Variants in ARFIP1 observed in about 807,000 individuals in gnomAD.
ARFIP1 encodes arfaptin-1.
In ARFIP1, 24 loss-of-function variants were observed where a neutral mutation model predicts 42.5. The observed-to-expected ratio is 0.57, with a 90% confidence interval of 0.41 to 0.80. ARFIP1 has a LOEUF of 0.80. Ranked by LOEUF, ARFIP1 falls within the 30% of genes least tolerant of loss-of-function variation. The pLI, the probability that ARFIP1 is intolerant of heterozygous loss-of-function variation, is 0.00. For synonymous variants in ARFIP1, 141 were observed against 153.7 expected (o/e 0.92, Z 0.61); for missense variants, 354 against 434.0 (o/e 0.82, Z 1.64).
chr4:152,879,836 C>T (rs893739246), intron 5 of ARFIP1, among the ~76,000 whole-genome samples: 3 of 151,574 alleles, frequency 2.0e-5, no homozygotes, highest in Admixed American at 6.6e-5. Flanking sequence ...GCAACAGGAG[C>T]AAAACTCCAT....
chr4:152,893,240 C>G (rs1737011996), intron 8 of ARFIP1, among the ~76,000 whole-genome samples: 1 of 152,166 alleles, frequency 6.6e-6, no homozygotes. Flanking sequence ...GAATGAAAGT[C>G]AACTCGGAGA....
chr4:152,864,344 A>G (rs900618577), intron 3 of ARFIP1, among the ~76,000 whole-genome samples: 7 of 152,322 alleles, frequency 4.6e-5, no homozygotes, highest in African/African-American at 1.7e-4. Context: ...CAAATCAGCA[A>G]TTTGCTAGGA....
chr4:152,829,868 T>C, intron 2 of ARFIP1, 142 bp downstream of exon 2: 1 of 591,470 alleles, frequency 1.7e-6, no homozygotes, highest in Non-Finnish European at 2.7e-6. Context: ...TATATAGGGA[T>C]GACAAGGAAG....
intron 2 of ARFIP1, among the ~76,000 whole-genome samples, chr4:152,833,391 G>T (rs1003969162): frequency 6.6e-6 from 1 of 152,128 alleles, no homozygotes; most frequent in Admixed American, 6.5e-5. Flanking sequence ...AAAGGTAAGT[G>T]TTGACCCTTA....
chr4:152,861,232 A>G (rs1733867788), intron 2 of ARFIP1, among the ~76,000 whole-genome samples: 1 of 152,206 alleles, frequency 6.6e-6, no homozygotes, highest in Non-Finnish European at 1.5e-5. Context: ...GAGTCCTCCA[A>G]AGATGATGCA....
chr4:152,908,524 C>T (rs1046971281), intron 8 of ARFIP1, among the ~76,000 whole-genome samples: 1 of 151,862 alleles, frequency 6.6e-6, no homozygotes, highest in African/African-American at 2.4e-5. Flanking sequence ...GCAGGGGAAT[C>T]GCTTGAACCC....
At chr4:152,827,384 T>G (rs1360907271) in intron 1 of ARFIP1, among the ~76,000 whole-genome samples, 1 of 152,162 alleles carries the variant, frequency 6.6e-6, no homozygotes, top group Admixed American at 6.5e-5. Context: ...AGTGGTACAT[T>G]CGTTAAAATT....
intron 2 of ARFIP1, among the ~76,000 whole-genome samples, chr4:152,852,826 A>G (rs1392771763): frequency 1.3e-5 from 2 of 152,236 alleles, no homozygotes; most frequent in African/African-American, 4.8e-5. Flanking sequence ...TTTAGCTGCC[A>G]AACCACATCA....
At chr4:152,845,571 A>G (rs1732472964) in intron 2 of ARFIP1, among the ~76,000 whole-genome samples, 1 of 152,254 alleles carries the variant, frequency 6.6e-6, no homozygotes. Context: ...AAAAGAAGAC[A>G]TACAAGTAGC....
intron 1 of ARFIP1, among the ~76,000 whole-genome samples, chr4:152,788,402 G>T (rs964559834): frequency 6.6e-6 from 1 of 152,114 alleles, no homozygotes; most frequent in African/African-American, 2.4e-5. Flanking sequence ...AAGATAGGCT[G>T]TGCACAGTGG....
At chr4:152,862,471 A>T (rs10084868) in intron 2 of ARFIP1, among the ~76,000 whole-genome samples, 1 of 151,740 alleles carries the variant, frequency 6.6e-6, no homozygotes, top group Admixed American at 6.6e-5. Flanking sequence ...AAGGATAACT[A>T]TCTTTGGAGA....
At chr4:152,868,915 A>ACTTCTC (rs1734636183) in intron 3 of ARFIP1, among the ~76,000 whole-genome samples, 1 of 152,222 alleles carries the variant, frequency 6.6e-6, no homozygotes, top group Non-Finnish European at 1.5e-5. Context: ...GTCTCTAATA[A>ACTTCTC]GAAACTATTT....
chr4:152,825,270 C>T (rs929279575), intron 1 of ARFIP1, among the ~76,000 whole-genome samples: 2 of 152,038 alleles, frequency 1.3e-5, no homozygotes, highest in African/African-American at 4.8e-5. Context: ...AGGAATAAAT[C>T]TAGAGGCATC....
chr4:152,814,701 A>G (rs1390763309), intron 1 of ARFIP1, among the ~76,000 whole-genome samples: 2 of 152,318 alleles, frequency 1.3e-5, no homozygotes, highest in East Asian at 3.9e-4. Context: ...CAAAAAATAA[A>G]TAAGGTAAGA....
At chr4:152,826,140 GA>G (rs1345177452) in intron 1 of ARFIP1, among the ~76,000 whole-genome samples, 1 of 151,978 alleles carries the variant, frequency 6.6e-6, no homozygotes, top group Non-Finnish European at 1.5e-5. Flanking sequence ...CTACCCAAAG[GA>G]AAAAAAGTCA....
intron 1 of ARFIP1, among the ~76,000 whole-genome samples, chr4:152,781,555 C>G (rs928480853): frequency 6.6e-6 from 1 of 152,142 alleles, no homozygotes; most frequent in Non-Finnish European, 1.5e-5. Flanking sequence ...CATTTCATTG[C>G]TGTTCTCTCA....
Position 152,910,317 on chromosome 4 carries a change from G to T in ARFIP1, c.*98G>T. ...TTGGGGGAAGTGGGAGGGGTGACAA[G>T]CATTATAGTGATTCTTGCACAAACA... On this transcript the variant is annotated 3_prime_UTR_variant, in exon 9 of 9. Transcript: ENST00000353617. The T allele has an allele frequency of 7.4e-7, 1 of 1,342,802 alleles. No individual in the cohort carries two copies. Among genetic ancestry groups the T allele is most frequent in the Non-Finnish European group, 1.0e-6 (1 of 990,044 alleles). The allele number at this position is 1,342,802 out of a possible 1,614,324, so 83.2% of individuals were successfully genotyped here. A position where few individuals can be genotyped will look rare whatever the true frequency, so the allele number is the denominator to read the frequency against.
intron 3 of ARFIP1, among the ~76,000 whole-genome samples, chr4:152,869,107 A>G (rs571280761): frequency 7.1e-4 from 108 of 152,290 alleles, no homozygotes; most frequent in African/African-American, 2.4e-3. Flanking sequence ...TTAATGTGAG[A>G]TCCAGTTCAA....
At chr4:152,800,225 G>T (rs2149822534) in intron 1 of ARFIP1, among the ~76,000 whole-genome samples, 1 of 152,252 alleles carries the variant, frequency 6.6e-6, no homozygotes, top group Non-Finnish European at 1.5e-5. Context: ...ATTTAAACCT[G>T]CATGTTTAAA....
Sources: gnomAD v4.1 joint callset for allele counts (sites outside exome capture counted in the v4.1 genomes callset) on GRCh38, gnomAD v4.1.1 for gene constraint, MANE v1.5 for transcripts, NCBI Gene and HGNC (gene_info 2026-07-23, HGNC 2026-07-21) for gene names.